Variants in ROBO2 observed in about 807,000 individuals in gnomAD.
The protein encoded by ROBO2 is roundabout guidance receptor 2.
A neutral mutation model predicts 160.8 loss-of-function variants in ROBO2; 53 were observed. The observed-to-expected ratio is 0.33, with a 90% CI of 0.26 to 0.41. The LOEUF (loss-of-function observed/expected upper bound fraction) is 0.41, where lower values mean the gene tolerates loss of function less well. Among genes scored for constraint, ROBO2 ranks in the 10% least tolerant of loss-of-function variants. The pLI is 1.00. For missense variants in ROBO2, 1,577 were observed against 1,722.4 expected (o/e 0.92, Z 1.49); for synonymous variants, 664 against 611.7 (o/e 1.09, Z -1.26).
chr3:77,531,081 C>G (rs2091687394), intron 6 of ROBO2, among the ~76,000 whole-genome samples: 1 of 151,964 alleles, frequency 6.6e-6, no homozygotes, highest in African/African-American at 2.4e-5. Context: ...GCTTACGAAG[C>G]CGTCCTGTTC....
intron 2 of ROBO2, among the ~76,000 whole-genome samples, chr3:77,101,923 C>A (rs2071989125): frequency 6.6e-6 from 1 of 152,046 alleles, no homozygotes; most frequent in Admixed American, 6.5e-5. Context: ...ACCTGTAATC[C>A]CAACTACTCA....
intron 2 of ROBO2, among the ~76,000 whole-genome samples, chr3:76,297,688 G>A (rs1220814741): frequency 5.1e-5 from 2 of 39,494 alleles, no homozygotes; most frequent in Admixed American, 3.0e-4. Context: ...ACTTGGAGAA[G>A]AAGAAAGCTG....
intron 2 of ROBO2, among the ~76,000 whole-genome samples, chr3:77,322,283 GTTTGACACTGTA>G (rs2153432321): frequency 6.6e-6 from 1 of 152,202 alleles, no homozygotes; most frequent in Non-Finnish European, 1.5e-5. Context: ...AAGGAATTAT[GTTTGACACTGTA>G]TTGTATGACT....
At chr3:76,667,368 T>C (rs974761875) in intron 2 of ROBO2, among the ~76,000 whole-genome samples, 1 of 152,198 alleles carries the variant, frequency 6.6e-6, no homozygotes, top group African/African-American at 2.4e-5. Context: ...CCTGTTATTG[T>C]AAAAGCAGCT....
chr3:77,192,748 C>G (rs749497261), intron 2 of ROBO2, among the ~76,000 whole-genome samples: 11 of 142,606 alleles, frequency 7.7e-5, no homozygotes, highest in Non-Finnish European at 1.6e-4. Flanking sequence ...TGGGTTCAAG[C>G]AACTCTGGTG....
chr3:76,468,162 T>A (rs2078459181), intron 2 of ROBO2, among the ~76,000 whole-genome samples: 1 of 152,118 alleles, frequency 6.6e-6, no homozygotes, highest in South Asian at 2.1e-4. Context: ...CTGTTTTGGA[T>A]GTGAGGAATT....
chr3:77,609,637 C>T (rs2094587619), intron 21 of ROBO2, among the ~76,000 whole-genome samples: 1 of 151,752 alleles, frequency 6.6e-6, no homozygotes, highest in Non-Finnish European at 1.5e-5. Context: ...CAATGCTAAA[C>T]TTCTCACTTT....
intron 2 of ROBO2, among the ~76,000 whole-genome samples, chr3:76,511,651 A>G (rs1337034276): frequency 2.0e-5 from 3 of 152,178 alleles, no homozygotes; most frequent in African/African-American, 7.2e-5. Context: ...CATATATGCT[A>G]TTGCCAATGC....
intron 2 of ROBO2, among the ~76,000 whole-genome samples, chr3:76,448,651 A>C (rs1295220710): frequency 6.6e-6 from 1 of 152,192 alleles, no homozygotes; most frequent in Non-Finnish European, 1.5e-5. Context: ...AAATCCTTCC[A>C]AACATTTTTA....
chr3:77,375,590 T>C (rs1217425506), intron 2 of ROBO2, among the ~76,000 whole-genome samples: 2 of 152,200 alleles, frequency 1.3e-5, no homozygotes, highest in Non-Finnish European at 2.9e-5. Context: ...TTAGACTTTC[T>C]TTACTATGAA....
chr3:76,992,325 C>CTATATATATATATA (rs10530833), intron 2 of ROBO2, among the ~76,000 whole-genome samples: 2 of 46,900 alleles, frequency 4.3e-5, no homozygotes, highest in Admixed American at 2.3e-4. Flanking sequence ...CCATGTATTA[C>CTATATATATATATA]TATATATATA....
chr3:77,021,825 G>T (rs1421459679), intron 2 of ROBO2, among the ~76,000 whole-genome samples: 3 of 152,116 alleles, frequency 2.0e-5, no homozygotes, highest in Non-Finnish European at 2.9e-5. Context: ...CCTCTGTCTT[G>T]TGCACTTGCT....
At chr3:77,262,726 A>G (rs938989537) in intron 2 of ROBO2, among the ~76,000 whole-genome samples, 11 of 152,190 alleles carry the variant, frequency 7.2e-5, no homozygotes, top group African/African-American at 2.4e-4. Context: ...AAAGTCATAC[A>G]TATGTTAAAT....
intron 7 of ROBO2, among the ~76,000 whole-genome samples, chr3:77,548,073 C>T (rs905553126): frequency 5.3e-5 from 8 of 149,778 alleles, no homozygotes; most frequent in Admixed American, 1.3e-4. Context: ...ACACACATAA[C>T]GCACATACAC....
chr3:76,278,278 G>A (rs1186464818), intron 2 of ROBO2, among the ~76,000 whole-genome samples: 1 of 151,940 alleles, frequency 6.6e-6, no homozygotes, highest in Non-Finnish European at 1.5e-5. Context: ...TAATAATAAA[G>A]AGTAGATCCT....
intron 2 of ROBO2, among the ~76,000 whole-genome samples, chr3:76,698,656 G>A (rs888406436): frequency 1.3e-5 from 2 of 152,132 alleles, no homozygotes; most frequent in Admixed American, 6.6e-5. Context: ...CATTACATTT[G>A]TATTATAATC....
At chr3:77,180,036 G>T (rs554258318) in intron 2 of ROBO2, among the ~76,000 whole-genome samples, 1 of 152,112 alleles carries the variant, frequency 6.6e-6, no homozygotes, top group South Asian at 2.1e-4. Context: ...GGCTTGTTTG[G>T]AGTAACACTG....
In ROBO2 at chr3:77,057,592, G is replaced by C. The variant is rs1307168943; in HGVS notation, c.61+16746G>C. Among the ~76,000 whole-genome samples the C allele has an allele frequency of 4.1e-4, 3 of 7,290 alleles. No individual in the cohort carries two copies. In the Admixed American group the frequency reaches 7.6e-3, roughly 18 times the overall value. 4.8% of individuals were successfully genotyped at this position (7,290 alleles called of 152,430 possible). On this transcript the variant is annotated intron_variant, in intron 1 of 25. Coordinates refer to ENST00000461745, the Ensembl canonical transcript of ROBO2. ...GGATTTTTTTTTTTTTTTTTTTTGA[G>C]ATGTAGTCTCGCTCTGTTGCCAGGC...
chr3:76,119,331 T>C (rs142756384), intron 2 of ROBO2, among the ~76,000 whole-genome samples: 81 of 151,602 alleles, frequency 5.3e-4, no homozygotes, highest in African/African-American at 1.9e-3. Flanking sequence ...GAACATTATG[T>C]TCACTGTGAA....
Sources: gnomAD v4.1 joint callset for allele counts (sites outside exome capture counted in the v4.1 genomes callset) on GRCh38, gnomAD v4.1.1 for gene constraint, MANE v1.5 for transcripts, NCBI Gene and HGNC (gene_info 2026-07-23, HGNC 2026-07-21) for gene names.